SPAG6: variants seen among roughly 807,000 people sequenced by gnomAD.
SPAG6 encodes sperm-associated antigen 6.
SPAG6 carries 49 observed loss-of-function variants against 58.5 expected under a neutral mutation model. The ratio of observed to expected loss-of-function variants is 0.84; its 90% CI spans 0.67 to 1.06. The LOEUF is 1.06. Among genes scored for constraint, SPAG6 ranks in the 50% least tolerant of loss-of-function variants. The pLI, the probability that SPAG6 is intolerant of heterozygous loss-of-function variation, is 0.00. For missense variants in SPAG6, 560 were observed against 611.3 expected, an observed-to-expected ratio of 0.92 and a Z score of 0.89; for synonymous variants, 233 against 225.6, an observed-to-expected ratio of 1.03 and a Z score of -0.29.
At chr10:22,392,351 T>C (rs141813084) in intron 8 of SPAG6, among the ~76,000 whole-genome samples, 1,873 of 152,238 alleles carry the variant, frequency 0.012, 25 homozygotes, top group Non-Finnish European at 0.021. Context: ...CCTCTTTAAT[T>C]CCAAGGTCAC....
chr10:22,393,892 A>G (rs1834236281), intron 8 of SPAG6, among the ~76,000 whole-genome samples: 1 of 152,150 alleles, frequency 6.6e-6, no homozygotes, highest in Non-Finnish European at 1.5e-5. Flanking sequence ...GGTATTTCTC[A>G]TTTGTTACTC....
chr10:22,412,091 C>T (rs548483060), intron 10 of SPAG6, among the ~76,000 whole-genome samples: 5 of 152,144 alleles, frequency 3.3e-5, no homozygotes, highest in South Asian at 4.2e-4. Flanking sequence ...CGTCGTGATC[C>T]GCCCGCCTAG....
rs558416127 is a variant in SPAG6 at position 22,356,644 on chromosome 10, T to G, written c.122-8209T>G. 3.3e-5 allele frequency among the ~76,000 whole-genome samples: 5 copies of G among 152,360 alleles called. No individual in the cohort carries two copies. In the East Asian group the frequency reaches 9.6e-4, roughly 29 times the overall value. ...AACAGTGGGCAACAACTATACATCC[T>G]TTGACCAAACCAGAAACTTGGAAAT... is the stretch of plus-strand genomic sequence containing the variant. On this transcript the variant is annotated intron_variant, in intron 2 of 10. Coordinates refer to ENST00000376624, the MANE Select transcript of SPAG6 (RefSeq NM_012443.4).
chr10:22,382,972 A>G (rs1833988823), intron 4 of SPAG6, among the ~76,000 whole-genome samples: 1 of 152,250 alleles, frequency 6.6e-6, no homozygotes, highest in South Asian at 2.1e-4. Context: ...TTGCATTTTT[A>G]GACATAGGTA....
At chr10:22,392,643 A>G (rs1216794639) in intron 8 of SPAG6, among the ~76,000 whole-genome samples, 3 of 152,144 alleles carry the variant, frequency 2.0e-5, no homozygotes, top group African/African-American at 2.4e-5. Context: ...GTTTGAGGGA[A>G]GTTCACAGAA....
At chr10:22,399,007 C>T (rs1834354692) in intron 8 of SPAG6, among the ~76,000 whole-genome samples, 1 of 152,076 alleles carries the variant, frequency 6.6e-6, no homozygotes, top group Admixed American at 6.5e-5. Context: ...TCAATAGACA[C>T]AGGGTTTCAC....
Position 22,345,987 on chromosome 10 carries a change from A to C in SPAG6, c.121+169A>C. 1 of 1,548,712 alleles carries C rather than the reference A, an allele frequency of 6.5e-7. No homozygotes were observed. Among genetic ancestry groups the C allele is most frequent in the Non-Finnish European group, 8.7e-7 (1 of 1,146,176 alleles). On this transcript the variant is annotated intron_variant, in intron 2 of 10. Transcript: ENST00000376624. This position sits in a 1 kb window ranked among gnomAD's most constrained non-coding sequence, Gnocchi z 6.3. ...TTTGGGGGTCAGGCCGAGAGGGTGA[A>C]GCTTCCAGATGGTTGTGGGAGGTGC...
intron 10 of SPAG6, among the ~76,000 whole-genome samples, chr10:22,414,827 C>A (rs183315936): frequency 6.6e-6 from 1 of 152,306 alleles, no homozygotes; most frequent in Admixed American, 6.5e-5. Context: ...AGTTCAATGG[C>A]GTGATCTCGG....
At chr10:22,360,756 A>T in intron 2 of SPAG6, 2 of 1,504,940 alleles carry the variant, frequency 1.3e-6, no homozygotes, top group Non-Finnish European at 1.8e-6. Flanking sequence ...TCCTTACTAG[A>T]GGCCTTGTTT....
chr10:22,414,763 CTTAAA>C (rs918715764), intron 10 of SPAG6, among the ~76,000 whole-genome samples: 1 of 152,086 alleles, frequency 6.6e-6, no homozygotes, highest in Admixed American at 6.6e-5. Flanking sequence ...TAGCCATTTT[CTTAAA>C]TTAATTAATT....
In SPAG6 at chr10:22,349,525, C is replaced by G. The variant is rs181471954; in HGVS notation, c.121+3707C>G. On this transcript the variant is annotated intron_variant, in intron 2 of 10. Transcript: ENST00000376624. ...CATGTTTTGTGGCTTACTGGAACAC[C>G]AGGCCACTTTTAGTTCTGTTTAGGA... Among the ~76,000 whole-genome samples, 1,066 of 152,200 alleles carry G rather than the reference C, an allele frequency of 7.0e-3. 8 individuals are homozygous for G. The highest frequency in any genetic ancestry group is 0.022 in the Admixed American group (334 of 15,290).
Position 22,411,061 on chromosome 10 carries a change from C to G in SPAG6, c.1345C>G (p.Leu449Val), listed in dbSNP as rs745556153. 1 of 1,614,070 alleles carries G rather than the reference C, an allele frequency of 6.2e-7. No homozygotes were observed. The highest frequency in any genetic ancestry group is 1.1e-5 in the South Asian group (1 of 91,046). Residue 449 changes from leucine to valine, a missense_variant, in exon 10 of 11, where the codon CTT becomes GTT. Physicochemically the swap from Leu to Val is conservative, Grantham distance 32. Coordinates refer to ENST00000376624, the MANE Select transcript of SPAG6 (RefSeq NM_012443.4). ...GCCGCATGATAGCAAAGCTCGACGA[C>G]TTTTTGTAACAAGTGGTGGCCTTAA... ...VLPHDSKARR[L>V]FVTSGGLKKV...
chr10:22,387,403 A>C (rs1834092227), intron 5 of SPAG6, among the ~76,000 whole-genome samples: 1 of 152,194 alleles, frequency 6.6e-6, no homozygotes, highest in Admixed American at 6.5e-5. Flanking sequence ...ATGTTTTAAA[A>C]TTGTTAACAT....
chr10:22,398,794 T>G (rs1834349154), intron 8 of SPAG6, among the ~76,000 whole-genome samples: 1 of 152,050 alleles, frequency 6.6e-6, no homozygotes, highest in Non-Finnish European at 1.5e-5. Context: ...AGAAAATATT[T>G]GCAATTCAAG....
intron 2 of SPAG6, chr10:22,360,704 A>G: frequency 2.8e-6 from 2 of 708,102 alleles, no homozygotes; most frequent in Non-Finnish European, 4.5e-6. Flanking sequence ...ATTACATAGT[A>G]TATGTTGGGT....
In SPAG6 at chr10:22,345,893, G is replaced by A. The variant is rs1390728204; in HGVS notation, c.121+75G>A. On this transcript the variant is annotated intron_variant, in intron 2 of 10. Coordinates refer to ENST00000376624, the MANE Select transcript of SPAG6 (RefSeq NM_012443.4). The surrounding 1 kb of genome is among the most constrained non-coding windows in gnomAD (Gnocchi z 6.3). ...ACGCCTCCGCCCCGCTGCCCTGCCC[G>A]TGGAGCTCTTGGGGAGCCGCAGTGT... 3.8e-6 allele frequency: 6 copies of A among 1,578,924 alleles called. No individual in the cohort carries two copies. The highest frequency in any genetic ancestry group is 5.2e-6 in the Non-Finnish European group (6 of 1,162,866).
chr10:22,415,057 C>T (rs995382572), intron 10 of SPAG6, among the ~76,000 whole-genome samples: 3 of 152,108 alleles, frequency 2.0e-5, no homozygotes, highest in Admixed American at 6.6e-5. Flanking sequence ...TGGGCCACTG[C>T]ACCCGGCCCA....
intron 4 of SPAG6, among the ~76,000 whole-genome samples, chr10:22,376,941 T>C (rs776144825): frequency 1.3e-5 from 2 of 150,924 alleles, no homozygotes; most frequent in Non-Finnish European, 3.0e-5. Flanking sequence ...ATTAGCTGAG[T>C]ATAGTGGTGT....
intron 2 of SPAG6, among the ~76,000 whole-genome samples, chr10:22,346,493 CTTCTTT>C (rs1185433531): frequency 3.0e-5 from 4 of 133,392 alleles, no homozygotes; most frequent in Non-Finnish European, 4.6e-5. Flanking sequence ...TCTTCTTCTT[CTTCTTT>C]CTTCTTCTTC....
Sources: allele counts gnomAD v4.1 joint callset (sites outside exome capture counted in the v4.1 genomes callset), GRCh38; gene constraint gnomAD v4.1.1; non-coding constraint Gnocchi (gnomAD v3.1); transcripts MANE v1.5; gene names NCBI Gene and HGNC (gene_info 2026-07-23, HGNC 2026-07-21).